Variants in TNRC6A observed in about 807,000 individuals in gnomAD.
TNRC6A encodes trinucleotide repeat containing adaptor 6A, also known as trinucleotide repeat-containing gene 6A protein.
Under a neutral mutation model 221.2 loss-of-function variants are expected in TNRC6A, and 44 were observed. The ratio of observed to expected loss-of-function variants is 0.20; its 90% CI spans 0.16 to 0.26. The LOEUF is 0.26. Among genes scored for constraint, TNRC6A ranks in the 10% least tolerant of loss-of-function variants. The pLI, the probability that TNRC6A is intolerant of heterozygous loss-of-function variation, is 1.00. For synonymous variants in TNRC6A, 847 were observed against 838.5 expected (o/e 1.01, Z -0.18); for missense variants, 2,199 against 2,404.4 (o/e 0.91, Z 1.79).
At chr16:24,618,976 G>A (rs945784020) in intron 1 of TNRC6A, among the ~76,000 whole-genome samples, 1 of 152,114 alleles carries the variant, frequency 6.6e-6, no homozygotes, top group African/African-American at 2.4e-5. Context: ...ATATATAAAA[G>A]CTATAAATAA....
At chr16:24,745,021 T>A (rs2056973393) in intron 2 of TNRC6A, among the ~76,000 whole-genome samples, 1 of 152,216 alleles carries the variant, frequency 6.6e-6, no homozygotes, top group South Asian at 2.1e-4. Flanking sequence ...TATTCCATTT[T>A]ATGGATATAT....
At chr16:24,660,739 C>CTTTTTT (rs58299677) in intron 2 of TNRC6A, among the ~76,000 whole-genome samples, 41 of 91,288 alleles carry the variant, frequency 4.5e-4, no homozygotes, top group East Asian at 1.5e-3. Flanking sequence ...TTTTTTTTTT[C>CTTTTTT]TTTTTTTTTT....
chr16:24,664,950 G>A, intron 2 of TNRC6A: 1 of 456,392 alleles, frequency 2.2e-6, no homozygotes, highest in South Asian at 1.5e-5. Context: ...TAAGGCACGA[G>A]GCTCCACAGA....
intron 4 of TNRC6A, among the ~76,000 whole-genome samples, chr16:24,774,825 A>G (rs946262825): frequency 6.6e-6 from 1 of 152,238 alleles, no homozygotes; most frequent in Non-Finnish European, 1.5e-5. Context: ...CAAGTCCCTT[A>G]TATAAAATGG....
chr16:24,748,964 T>TC (rs1287772675), intron 2 of TNRC6A, among the ~76,000 whole-genome samples: 2 of 152,100 alleles, frequency 1.3e-5, no homozygotes, highest in African/African-American at 4.8e-5. Context: ...AAGCTCCACC[T>TC]CCCAGTTTCA....
In TNRC6A at chr16:24,806,193, A is replaced by G. The variant is rs117721953; in HGVS notation, c.4252-13A>G. 7.6e-4 allele frequency: 1,231 copies of G among 1,613,648 alleles called. 3 individuals are homozygous for G. Among genetic ancestry groups the G allele is most frequent in the East Asian group, 1.2e-3 (52 of 44,882 alleles). ...GTGTGATAGTAACAACCTTTTCGCTATCTTTCCTCTAGCGATTGTTAGCGC... is the reference window on the plus strand; with the variant it reads ...GTGTGATAGTAACAACCTTTTCGCTGTCTTTCCTCTAGCGATTGTTAGCGC... On this transcript the variant is annotated splice_polypyrimidine_tract_variant and intron_variant, in intron 15 of 24. Coordinates refer to ENST00000395799, the MANE Select transcript of TNRC6A (RefSeq NM_014494.4).
chr16:24,793,563 C>T lies in TNRC6A; in HGVS notation c.3266C>T (p.Pro1089Leu). ...TGGGGTAAGCCCATAGACAGTGGTC[C>T]CAGCTGGGGGGAACCCATTGCTGCG... ...SAWGKPIDSG[P>L]SWGEPIAAAS... Residue 1089 changes from proline (P) to leucine (L), a missense_variant, in exon 7 of 25, where the codon CCC (proline) becomes CTC (leucine). Physicochemically the swap from Pro to Leu is moderately conservative, Grantham distance 98 (BLOSUM62 -3). Around this residue, in one of 8 missense-constraint regions of TNRC6A, gnomAD observed 1,405 missense variants for 1,400.2 expected, o/e 1.00. Coordinates refer to ENST00000395799, the MANE Select transcript of TNRC6A (RefSeq NM_014494.4). 6.4e-7 allele frequency: 1 copy of T among 1,573,176 alleles called. No homozygotes were observed. The highest frequency in any genetic ancestry group is 8.6e-7 in the Non-Finnish European group (1 of 1,158,908).
At chr16:24,736,425 C>G (rs955130769) in intron 2 of TNRC6A, among the ~76,000 whole-genome samples, 2 of 152,090 alleles carry the variant, frequency 1.3e-5, no homozygotes, top group African/African-American at 4.8e-5. Flanking sequence ...CCAATTTTCT[C>G]AAAATTTTTT....
intron 2 of TNRC6A, among the ~76,000 whole-genome samples, chr16:24,699,641 G>T (rs1286572628): frequency 1.3e-5 from 2 of 150,744 alleles, no homozygotes; most frequent in Non-Finnish European, 2.9e-5. Flanking sequence ...ATCGCCTAAG[G>T]TTAGGATTCC....
At chr16:24,760,616 T>C (rs988064947) in intron 4 of TNRC6A, among the ~76,000 whole-genome samples, 5 of 152,196 alleles carry the variant, frequency 3.3e-5, no homozygotes, top group Non-Finnish European at 7.3e-5. Context: ...ATTTCTGTGC[T>C]ATGTATTTGT....
In TNRC6A at chr16:24,790,737, G is replaced by C. The variant is rs143670516; in HGVS notation, c.2095G>C (p.Asp699His). 3 of 1,614,020 alleles carry C rather than the reference G, an allele frequency of 1.9e-6. No individual in the cohort carries two copies. In the African/African-American group the frequency reaches 4.0e-5, roughly 22 times the overall value. Residue 699 changes from aspartate to histidine, a missense_variant, in exon 6 of 25, where the codon GAT becomes CAT. Physicochemically the swap from Asp to His is moderately conservative, Grantham distance 81 (BLOSUM62 -1). Around this residue, in one of 8 missense-constraint regions of TNRC6A, gnomAD observed 1,405 missense variants for 1,400.2 expected, o/e 1.00. Transcript: ENST00000395799. ...TCAGAGTAGAGACAGAAGAAAAATT[G>C]ATCAGCACACATTACTCCAAAGCAT... ...ESQSRDRRKI[D>H]QHTLLQSIVN...
intron 18 of TNRC6A, among the ~76,000 whole-genome samples, chr16:24,810,551 G>A (rs570528876): frequency 6.6e-6 from 1 of 152,144 alleles, no homozygotes; most frequent in Non-Finnish European, 1.5e-5. Context: ...GTCTAGAAAG[G>A]TGAAAAAGAC....
At chr16:24,647,370 G>A (rs143117626) in intron 2 of TNRC6A, among the ~76,000 whole-genome samples, 30 of 152,102 alleles carry the variant, frequency 2.0e-4, no homozygotes, top group African/African-American at 7.2e-4. Context: ...CATTTTTATA[G>A]CTGGCCAAAG....
intron 2 of TNRC6A, among the ~76,000 whole-genome samples, chr16:24,699,921 A>G (rs2055936701): frequency 6.6e-6 from 1 of 150,554 alleles, no homozygotes; most frequent in African/African-American, 2.4e-5. Flanking sequence ...GCCAAGTGCT[A>G]GTGTTACACA....
At chr16:24,732,171 T>C (rs1258945940) in intron 2 of TNRC6A, among the ~76,000 whole-genome samples, 2 of 152,234 alleles carry the variant, frequency 1.3e-5, no homozygotes, top group African/African-American at 4.8e-5. Flanking sequence ...GAGCATTTCT[T>C]GCAGGTTAAA....
At chr16:24,681,057 A>G (rs1270589414) in intron 2 of TNRC6A, among the ~76,000 whole-genome samples, 5 of 151,626 alleles carry the variant, frequency 3.3e-5, no homozygotes, top group Non-Finnish European at 7.4e-5. Context: ...AGCTTTTTAT[A>G]ATAAAACCAA....
At chr16:24,693,376 CAGG>C (rs1397181032) in intron 2 of TNRC6A, among the ~76,000 whole-genome samples, 1 of 152,098 alleles carries the variant, frequency 6.6e-6, no homozygotes, top group Non-Finnish European at 1.5e-5. Flanking sequence ...CACTTGAGGT[CAGG>C]AGTTCGAGAC....
At chr16:24,821,239 T>A (rs2058759954) in intron 22 of TNRC6A, among the ~76,000 whole-genome samples, 1 of 152,148 alleles carries the variant, frequency 6.6e-6, no homozygotes, top group East Asian at 1.9e-4. Flanking sequence ...CGCAGACATC[T>A]GTCTGGATGC....
chr16:24,764,227 G>A (rs1331092570), intron 4 of TNRC6A, among the ~76,000 whole-genome samples: 1 of 151,096 alleles, frequency 6.6e-6, no homozygotes, highest in Admixed American at 6.6e-5. Context: ...ATCACTCAAT[G>A]TCTTCCAGGT....
Sources: gnomAD v4.1 joint callset for allele counts (sites outside exome capture counted in the v4.1 genomes callset) on GRCh38, gnomAD v4.1.1 for gene constraint, gnomAD v4.1.1 regional missense constraint, MANE v1.5 for transcripts, NCBI Gene and HGNC (gene_info 2026-07-23, HGNC 2026-07-21) for gene names.